The following CELF4 variants were observed in gnomAD, a reference collection of about 807,000 sequenced individuals.
CELF4 encodes the protein CUGBP Elav-like family member 4.
A neutral mutation model predicts 59.9 loss-of-function variants in CELF4; 18 were observed. The observed-to-expected ratio is 0.30, with a 90% CI of 0.21 to 0.45. The LOEUF (loss-of-function observed/expected upper bound fraction) is 0.45, where lower values mean the gene tolerates loss of function less well. Among genes scored for constraint, CELF4 ranks in the 20% least tolerant of loss-of-function variants. The probability of loss-of-function intolerance (pLI) is 1.00; values close to 1 mark genes in which losing one functional copy is unlikely to be tolerated. For synonymous variants in CELF4, 261 were observed against 267.1 expected, an observed-to-expected ratio of 0.98 and a Z score of 0.22; for missense variants, 456 against 689.0, an observed-to-expected ratio of 0.66 and a Z score of 3.79.
chr18:37,277,586 G>T (rs1216998886), intron 3 of CELF4, among the ~76,000 whole-genome samples: 1 of 152,200 alleles, frequency 6.6e-6, no homozygotes, highest in African/African-American at 2.4e-5. Flanking sequence ...CAGAGGCAAA[G>T]AGCTGGGAGA....
At chr18:37,381,276 A>G (rs1422626230) in intron 2 of CELF4, among the ~76,000 whole-genome samples, 1 of 152,236 alleles carries the variant, frequency 6.6e-6, no homozygotes, top group Non-Finnish European at 1.5e-5. Flanking sequence ...TAAAGAATGT[A>G]AGCAATCTAT....
intron 2 of CELF4, among the ~76,000 whole-genome samples, chr18:37,467,188 A>G (rs771543775): frequency 6.6e-6 from 1 of 152,170 alleles, no homozygotes; most frequent in Non-Finnish European, 1.5e-5. Context: ...CCTGCCTAGT[A>G]CACTGCCTGA....
intron 2 of CELF4, among the ~76,000 whole-genome samples, chr18:37,449,240 C>G (rs2099756436): frequency 6.6e-6 from 1 of 152,054 alleles, no homozygotes; most frequent in Non-Finnish European, 1.5e-5. Context: ...GGTCCTGAGG[C>G]AAGAGGAAGG....
intron 2 of CELF4, among the ~76,000 whole-genome samples, chr18:37,462,421 T>G (rs1569569500): frequency 6.6e-6 from 1 of 152,208 alleles, no homozygotes; most frequent in Non-Finnish European, 1.5e-5. Context: ...TGTCTGGCTG[T>G]CTGTCCACAG....
chr18:37,375,919 T>C (rs1041385074), intron 2 of CELF4, among the ~76,000 whole-genome samples: 4 of 152,202 alleles, frequency 2.6e-5, no homozygotes, highest in Non-Finnish European at 4.4e-5. Flanking sequence ...GAGGAGGCCT[T>C]TTTAATTGGG....
At chr18:37,511,320 C>T (rs1046107017) in intron 1 of CELF4, among the ~76,000 whole-genome samples, 3 of 152,058 alleles carry the variant, frequency 2.0e-5, no homozygotes, top group Non-Finnish European at 2.9e-5. Flanking sequence ...TTGATGCTTC[C>T]AGCAAGCCAA....
At chr18:37,452,527 C>A (rs1031960182) in intron 2 of CELF4, among the ~76,000 whole-genome samples, 13 of 152,132 alleles carry the variant, frequency 8.5e-5, no homozygotes, top group African/African-American at 3.1e-4. Context: ...GCTTGAGGGG[C>A]TAAAATGTCA....
At chr18:37,438,537 T>C (rs2099701062) in intron 2 of CELF4, among the ~76,000 whole-genome samples, 1 of 152,104 alleles carries the variant, frequency 6.6e-6, no homozygotes, top group Admixed American at 6.6e-5. Context: ...CCTACCATGT[T>C]TGAAGCTTCC....
At chr18:37,453,949 T>A (rs2099771171) in intron 2 of CELF4, among the ~76,000 whole-genome samples, 2 of 152,024 alleles carry the variant, frequency 1.3e-5, no homozygotes, top group Admixed American at 1.3e-4. Flanking sequence ...TCCACCCCCG[T>A]CCTGTTTGAT....
chr18:37,365,257 T>C (rs1431945096), intron 2 of CELF4, among the ~76,000 whole-genome samples: 1 of 152,172 alleles, frequency 6.6e-6, no homozygotes, highest in African/African-American at 2.4e-5. Context: ...GATAGCAGTG[T>C]GGGTCTCAAG....
At chr18:37,270,515 G>T (rs1239463854) in intron 8 of CELF4, among the ~76,000 whole-genome samples, 2 of 152,162 alleles carry the variant, frequency 1.3e-5, no homozygotes, top group African/African-American at 2.4e-5. Context: ...TCTTCCCTAA[G>T]GGAGCACCTG....
chr18:37,528,903 A>G (rs1192459653), intron 1 of CELF4: 1 of 152,028 alleles, frequency 6.6e-6, no homozygotes, highest in Non-Finnish European at 1.5e-5. Flanking sequence ...TTCTTCTGTA[A>G]ATTGGTAACT....
At chr18:37,441,494 A>T (rs957715484) in intron 2 of CELF4, among the ~76,000 whole-genome samples, 1 of 152,146 alleles carries the variant, frequency 6.6e-6, no homozygotes, top group African/African-American at 2.4e-5. Flanking sequence ...AATTGTTCGG[A>T]TGGGAAGATA....
At chr18:37,358,193 G>A (rs7226391) in intron 2 of CELF4, among the ~76,000 whole-genome samples, 29,151 of 152,178 alleles carry the variant, frequency 0.19, 3,052 homozygotes, top group East Asian at 0.32. Flanking sequence ...CCCACATGTT[G>A]TGGGAGGGAC....
At chr18:37,289,777 C>T (rs1014860583) in intron 3 of CELF4, among the ~76,000 whole-genome samples, 5 of 152,298 alleles carry the variant, frequency 3.3e-5, no homozygotes, top group Middle Eastern at 3.4e-3. Flanking sequence ...CAGTAAGTGG[C>T]GCAGGTGAGG....
At chr18:37,247,901 C>T (rs1027998058) in intron 12 of CELF4, among the ~76,000 whole-genome samples, 4 of 152,214 alleles carry the variant, frequency 2.6e-5, no homozygotes, top group African/African-American at 4.8e-5. Context: ...CCAGGGGTGG[C>T]GCTCCCTCCC....
At chr18:37,525,643 G>A (rs1021939490) in intron 1 of CELF4, among the ~76,000 whole-genome samples, 4 of 152,226 alleles carry the variant, frequency 2.6e-5, no homozygotes, top group Admixed American at 2.6e-4. Context: ...AAGACTGTTA[G>A]GGTTCCTTGG....
chr18:37,252,657 C>G, intron 12 of CELF4, among the ~76,000 whole-genome samples: 1 of 73,212 alleles, frequency 1.4e-5, no homozygotes, highest in Admixed American at 1.6e-4. Flanking sequence ...CTTCTATGCT[C>G]CAATTCACTT....
At chr18:37,307,478 C>T (rs531668512) in intron 3 of CELF4, among the ~76,000 whole-genome samples, 12 of 152,212 alleles carry the variant, frequency 7.9e-5, no homozygotes, top group African/African-American at 2.6e-4. Context: ...ATCTTCCCCC[C>T]GTCCCCCGCT....
Sources: gnomAD v4.1 joint callset for allele counts (sites outside exome capture counted in the v4.1 genomes callset) on GRCh38, gnomAD v4.1.1 for gene constraint, MANE v1.5 for transcripts, NCBI Gene and HGNC (gene_info 2026-07-23, HGNC 2026-07-21) for gene names.